The following RP1 variants were observed in gnomAD, a reference collection of about 807,000 sequenced individuals.
The protein encoded by RP1 is RP1 axonemal microtubule associated.
In RP1, 16 loss-of-function variants were observed where a neutral mutation model predicts 14.8. The ratio of observed to expected loss-of-function variants is 1.08; its 90% CI spans 0.73 to 1.65. RP1 has a LOEUF of 1.65. Among genes scored for constraint, RP1 ranks in the 40% most tolerant of loss-of-function variants. RP1 has a pLI of 0.00. For synonymous variants in RP1, 876 were observed against 883.6 expected, an observed-to-expected ratio of 0.99 and a Z score of 0.15; for missense variants, 2,631 against 2,535.0, an observed-to-expected ratio of 1.04 and a Z score of -0.81.
At chr8:54,690,726 G>A (rs556621755) in intron 12 of RP1, among the ~76,000 whole-genome samples, 2 of 152,084 alleles carry the variant, frequency 1.3e-5, no homozygotes, top group South Asian at 2.1e-4. Context: ...CTGAGCTGCA[G>A]CAAATCAGGG....
At position 54,616,202 on chromosome 8, in the gene RP1, G is replaced by T. The variant is rs1465938431; in HGVS notation, c.-13G>T. ...CTTAATAAGGGACGTTTCAAGTTGT[G>T]GTAAGTACAAAACTATTTGAAATCT... On this transcript the variant is annotated splice_region_variant and 5_prime_UTR_variant, in exon 1 of 4. Transcript: ENST00000220676. 1 of 152,102 alleles carries T rather than the reference G, an allele frequency of 6.6e-6. No individual in the cohort carries two copies. Among genetic ancestry groups the T allele is most frequent in the Non-Finnish European group, 1.5e-5 (1 of 68,016 alleles). 9.4% of individuals were successfully genotyped at this position (152,102 alleles called of 1,614,324 possible). A position where few individuals can be genotyped will look rare whatever the true frequency, so the allele number is the denominator to read the frequency against.
At chr8:54,855,085 C>A (rs1339045765) in intron 26 of RP1, among the ~76,000 whole-genome samples, 1 of 152,176 alleles carries the variant, frequency 6.6e-6, no homozygotes, top group East Asian at 1.9e-4. Context: ...TCCTCCAGCC[C>A]TTGGCAACCA....
chr8:54,797,019 A>G (rs1266580645), intron 24 of RP1, among the ~76,000 whole-genome samples: 3 of 152,166 alleles, frequency 2.0e-5, no homozygotes, highest in Non-Finnish European at 2.9e-5. Flanking sequence ...GAGCCACTTG[A>G]TCATTACGTT....
At chr8:54,586,440 G>A (rs562551459) in intron 1 of RP1, among the ~76,000 whole-genome samples, 3 of 152,304 alleles carry the variant, frequency 2.0e-5, no homozygotes, top group Non-Finnish European at 4.4e-5. Flanking sequence ...GCTACTCAGG[G>A]GTCAGGGACC....
At chr8:54,776,717 G>A (rs1563373203) in intron 23 of RP1, among the ~76,000 whole-genome samples, 1 of 152,122 alleles carries the variant, frequency 6.6e-6, no homozygotes, top group Admixed American at 6.6e-5. Flanking sequence ...AGGACAAGGT[G>A]GAAATGCCAA....
In RP1 at chr8:54,740,331, A is replaced by G. The variant is rs911976900; in HGVS notation, c.2808+1302A>G. On this transcript the variant is annotated intron_variant, in intron 19 of 22. Transcript: ENST00000636932. ...GAGGTGTAAGGCAGTGATATGGGTG[A>G]ACCTGACATTGTGCAGGCCTAGGCG... 2.0e-5 allele frequency among the ~76,000 whole-genome samples: 3 copies of G among 148,816 alleles called. No homozygotes were observed. In the Admixed American group the frequency reaches 2.0e-4, roughly 10 times the overall value.
intron 8 of RP1, among the ~76,000 whole-genome samples, chr8:54,675,476 C>T (rs1054255140): frequency 6.6e-6 from 1 of 152,100 alleles, no homozygotes; most frequent in African/African-American, 2.4e-5. Flanking sequence ...AGTTACTCTC[C>T]TCGGTTGTTT....
At chr8:54,573,026 CT>C (rs2129293742) in intron 1 of RP1, among the ~76,000 whole-genome samples, 1 of 152,248 alleles carries the variant, frequency 6.6e-6, no homozygotes, top group East Asian at 1.9e-4. Flanking sequence ...ATAATAGTGT[CT>C]TGACTATAAA....
intron 24 of RP1, among the ~76,000 whole-genome samples, chr8:54,822,932 A>T (rs1811293642): frequency 6.6e-6 from 1 of 152,188 alleles, no homozygotes; most frequent in Admixed American, 6.5e-5. Flanking sequence ...TTTTGTTTTT[A>T]AATAATTACG....
At chr8:54,685,001 G>A (rs1807527749) in intron 12 of RP1, among the ~76,000 whole-genome samples, 1 of 152,174 alleles carries the variant, frequency 6.6e-6, no homozygotes, top group African/African-American at 2.4e-5. Context: ...GAGGGCAGAG[G>A]TGGGAGAGCA....
intron 21 of RP1, among the ~76,000 whole-genome samples, chr8:54,757,178 A>C: frequency 6.6e-6 from 1 of 152,194 alleles, no homozygotes; most frequent in Non-Finnish European, 1.5e-5. Context: ...TGAGAGTTTT[A>C]TTATCAGAAT....
chr8:54,813,915 A>T (rs1811073892), intron 24 of RP1, among the ~76,000 whole-genome samples: 1 of 152,246 alleles, frequency 6.6e-6, no homozygotes, highest in African/African-American at 2.4e-5. Flanking sequence ...AGTCATCTGG[A>T]ATTAAAATTT....
At chr8:54,738,307 T>A (rs1045833142) in intron 18 of RP1, among the ~76,000 whole-genome samples, 1 of 152,192 alleles carries the variant, frequency 6.6e-6, no homozygotes, top group African/African-American at 2.4e-5. Context: ...CAGCTAGGCT[T>A]CCAGTTGAGC....
At chr8:54,772,803 G>T (rs1809941574), downstream of RP1, among the ~76,000 whole-genome samples, 1 of 152,170 alleles carries the variant, frequency 6.6e-6, no homozygotes, top group African/African-American at 2.4e-5. Flanking sequence ...ATGTGTGTGT[G>T]AGAGAGTATT....
chr8:54,643,696 A>G (rs1484461090), intron 3 of RP1, among the ~76,000 whole-genome samples: 2 of 152,134 alleles, frequency 1.3e-5, no homozygotes, highest in Non-Finnish European at 2.9e-5. Context: ...TGCTGTCTCT[A>G]AAGACTCTAG....
chr8:54,845,186 A>G (rs141110811), intron 25 of RP1, among the ~76,000 whole-genome samples: 4 of 152,276 alleles, frequency 2.6e-5, no homozygotes, highest in African/African-American at 9.6e-5. Flanking sequence ...ACAAGTTCCA[A>G]TGACTATCGG....
At chr8:54,792,144 T>C (rs534719010) in intron 24 of RP1, among the ~76,000 whole-genome samples, 1 of 152,064 alleles carries the variant, frequency 6.6e-6, no homozygotes, top group Admixed American at 6.6e-5. Flanking sequence ...GATCAATTTA[T>C]CAAGAAGATA....
Position 54,563,757 on chromosome 8 carries a change from T to C in RP1, c.-13+4437T>C, listed in dbSNP as rs185379547. On this transcript the variant is annotated intron_variant, in intron 1 of 22. Coordinates refer to the RP1 transcript ENST00000636932. Reference sequence around the variant, plus strand: ...AGAGATGAGATCTTACTATGTAGCTTAGGGTGGTCTCAAACTGCTGGGCTC... The same window carrying C: ...AGAGATGAGATCTTACTATGTAGCTCAGGGTGGTCTCAAACTGCTGGGCTC... Among the ~76,000 whole-genome samples, 6 of 152,162 alleles carry C rather than the reference T, an allele frequency of 3.9e-5. No individual in the cohort carries two copies. In the East Asian group the frequency reaches 9.7e-4, roughly 24 times the overall value.
At chr8:54,826,129 A>G (rs1263148066) in intron 24 of RP1, among the ~76,000 whole-genome samples, 1 of 152,180 alleles carries the variant, frequency 6.6e-6, no homozygotes, top group Admixed American at 6.5e-5. Context: ...ACTAGAGAAA[A>G]AGGCAGCTTA....
Sources: gnomAD v4.1 joint callset for allele counts (sites outside exome capture counted in the v4.1 genomes callset) on GRCh38, gnomAD v4.1.1 for gene constraint, MANE v1.5 for transcripts, NCBI Gene and HGNC (gene_info 2026-07-23, HGNC 2026-07-21) for gene names.